MAGI2: variants seen among roughly 807,000 people sequenced by gnomAD.
MAGI2 encodes the protein membrane-associated guanylate kinase, WW and PDZ domain-containing protein 2.
MAGI2 carries 35 observed loss-of-function variants against 133.3 expected under a neutral mutation model. That is an observed-to-expected ratio of 0.26 (90% confidence interval 0.20 to 0.35). MAGI2 has a LOEUF of 0.35. Among genes scored for constraint, MAGI2 ranks in the 10% least tolerant of loss-of-function variants. MAGI2 has a pLI of 1.00. For missense variants in MAGI2, 1,636 were observed against 1,863.4 expected (o/e 0.88, Z 2.25); for synonymous variants, 729 against 710.6 (o/e 1.03, Z -0.41).
At chr7:79,365,867 CAAAAAAA>C (rs71095399) in intron 1 of MAGI2, among the ~76,000 whole-genome samples, 2,941 of 48,938 alleles carry the variant, frequency 0.06, 149 homozygotes, top group African/African-American at 0.2. Flanking sequence ...ACTCTTGTCT[CAAAAAAA>C]AAAAAAAAAA....
At chr7:78,349,159 C>T (rs1289759708) in intron 7 of MAGI2, among the ~76,000 whole-genome samples, 2 of 152,040 alleles carry the variant, frequency 1.3e-5, no homozygotes, top group African/African-American at 4.8e-5. Context: ...GATTTCCTTC[C>T]CTAGATTGTG....
At chr7:79,253,081 C>T (rs1057256706) in intron 1 of MAGI2, among the ~76,000 whole-genome samples, 6 of 152,100 alleles carry the variant, frequency 3.9e-5, no homozygotes, top group Admixed American at 3.3e-4. Context: ...TCTCATTTCT[C>T]TTATACAAAA....
At position 78,344,593 on chromosome 7, in the gene MAGI2, G is replaced by GT. The variant is rs1190804657; in HGVS notation, c.1226-634dup. Among the ~76,000 whole-genome samples the GT allele has an allele frequency of 2.0e-5, 3 of 152,192 alleles. No individual in the cohort carries two copies. The South Asian group carries it at 6.2e-4, about 32-fold the overall frequency. On this transcript the variant is annotated intron_variant, in intron 8 of 21. Coordinates refer to ENST00000354212, the MANE Select transcript of MAGI2 (RefSeq NM_012301.4). ...TGACTTTTGTTTACACTGCTCTATT[G>GT]TGAGATACTATAAAGATAACCAGAT...
At chr7:79,252,003 A>G (rs562170915) in intron 1 of MAGI2, among the ~76,000 whole-genome samples, 10 of 152,056 alleles carry the variant, frequency 6.6e-5, no homozygotes, top group Non-Finnish European at 1.3e-4. Flanking sequence ...CTAAAAATAG[A>G]AAAATTACCC....
chr7:79,367,374 A>G (rs1842768068), intron 1 of MAGI2, among the ~76,000 whole-genome samples: 1 of 150,874 alleles, frequency 6.6e-6, no homozygotes, highest in African/African-American at 2.4e-5. Flanking sequence ...CTTATTTTTT[A>G]TTTTAATAGT....
intron 1 of MAGI2, among the ~76,000 whole-genome samples, chr7:79,129,499 T>C (rs1355128446): frequency 2.6e-5 from 4 of 152,352 alleles, no homozygotes; most frequent in Admixed American, 2.6e-4. Flanking sequence ...TCCATCTCCA[T>C]TTATTCTCCA....
chr7:78,100,259 C>G (rs1818090933), intron 20 of MAGI2, among the ~76,000 whole-genome samples: 1 of 152,194 alleles, frequency 6.6e-6, no homozygotes, highest in Non-Finnish European at 1.5e-5. Context: ...AGGAGGGCTG[C>G]TTTTTCCCCA....
intron 1 of MAGI2, among the ~76,000 whole-genome samples, chr7:79,297,024 A>G (rs1836986283): frequency 6.6e-6 from 1 of 152,100 alleles, no homozygotes; most frequent in Non-Finnish European, 1.5e-5. Flanking sequence ...TGTCAGTTAT[A>G]AATAAAGTAA....
intron 2 of MAGI2, among the ~76,000 whole-genome samples, chr7:78,777,894 G>C (rs1826110182): frequency 6.6e-6 from 1 of 152,078 alleles, no homozygotes; most frequent in African/African-American, 2.4e-5. Context: ...CGCTCTAGAT[G>C]ATTTCTAAGT....
intron 1 of MAGI2, among the ~76,000 whole-genome samples, chr7:79,197,351 C>A (rs1828176283): frequency 6.6e-6 from 1 of 151,990 alleles, no homozygotes; most frequent in Non-Finnish European, 1.5e-5. Context: ...AGACCATAAG[C>A]TTAAGAAAGT....
intron 1 of MAGI2, among the ~76,000 whole-genome samples, chr7:79,390,464 C>A (rs1212335224): frequency 2.0e-5 from 3 of 152,074 alleles, no homozygotes; most frequent in Non-Finnish European, 4.4e-5. Context: ...AATAGAGCAG[C>A]AATCCTATTT....
At chr7:78,552,176 CTTTTTTT>C (rs869196799) in intron 3 of MAGI2, among the ~76,000 whole-genome samples, 31 of 90,342 alleles carry the variant, frequency 3.4e-4, no homozygotes, top group South Asian at 2.4e-3. Flanking sequence ...ATTTGTTTTC[CTTTTTTT>C]TTTTTTTTTT....
chr7:78,099,258 G>T (rs1004255033), intron 20 of MAGI2, among the ~76,000 whole-genome samples: 8 of 152,104 alleles, frequency 5.3e-5, no homozygotes, highest in Non-Finnish European at 1.2e-4. Context: ...TTTTCTCAAA[G>T]AATTATTCAT....
chr7:78,600,872 C>A lies in MAGI2; in HGVS notation c.538+26248G>T, dbSNP rs150661613. ...TATAAAATTACTTTTAAAATGTGAA[C>A]TGTATTTCAGAATAAATTGCTAAGG... On this transcript the variant is annotated intron_variant, in intron 3 of 21. Coordinates refer to ENST00000354212, the MANE Select transcript of MAGI2 (RefSeq NM_012301.4). Among the ~76,000 whole-genome samples the A allele has an allele frequency of 1.8e-3, 281 of 152,204 alleles. 3 individuals carry two copies. The highest frequency in any genetic ancestry group is 6.6e-3 in the African/African-American group (273 of 41,538).
At chr7:78,387,123 G>A (rs1011086832) in intron 6 of MAGI2, among the ~76,000 whole-genome samples, 1 of 152,128 alleles carries the variant, frequency 6.6e-6, no homozygotes, top group African/African-American at 2.4e-5. Flanking sequence ...ACTTCCTTGG[G>A]TGTGGCTTTT....
At chr7:78,165,952 T>A (rs892499414) in intron 15 of MAGI2, among the ~76,000 whole-genome samples, 1 of 152,230 alleles carries the variant, frequency 6.6e-6, no homozygotes, top group Non-Finnish European at 1.5e-5. Flanking sequence ...ACTTAATATT[T>A]TCAATACTGA....
chr7:79,379,068 G>A (rs901923858), intron 1 of MAGI2, among the ~76,000 whole-genome samples: 5 of 150,020 alleles, frequency 3.3e-5, no homozygotes, highest in South Asian at 2.1e-4. Context: ...CCATTAACTC[G>A]TCATTTACAT....
chr7:78,428,886 A>T (rs1799530099), intron 6 of MAGI2, among the ~76,000 whole-genome samples: 1 of 152,228 alleles, frequency 6.6e-6, no homozygotes, highest in African/African-American at 2.4e-5. Context: ...ACAGTAGCTT[A>T]GTTCAGCTTG....
intron 5 of MAGI2, among the ~76,000 whole-genome samples, chr7:78,491,900 T>C (rs1462911122): frequency 6.6e-6 from 1 of 151,488 alleles, no homozygotes. Flanking sequence ...TGTGTGTGTG[T>C]GTGTGTGTGT....
Sources: allele counts gnomAD v4.1 joint callset (sites outside exome capture counted in the v4.1 genomes callset), GRCh38; gene constraint gnomAD v4.1.1; transcripts MANE v1.5; gene names NCBI Gene and HGNC (gene_info 2026-07-23, HGNC 2026-07-21).